Variants in SLC4A2 observed in about 807,000 individuals in gnomAD.
SLC4A2 encodes anion exchange protein 2.
SLC4A2 carries 36 observed loss-of-function variants against 115.0 expected under a neutral mutation model. That is an observed-to-expected ratio of 0.31 (90% CI 0.24 to 0.41). The LOEUF (loss-of-function observed/expected upper bound fraction) is 0.41. Ranked by LOEUF, SLC4A2 falls within the 10% of genes least tolerant of loss-of-function variation. The probability of loss-of-function intolerance (pLI) is 1.00; values close to 1 mark genes in which losing one functional copy is unlikely to be tolerated. For missense variants in SLC4A2, 1,252 were observed against 1,705.6 expected (o/e 0.73, Z 4.68); for synonymous variants, 708 against 708.3 (o/e 1.00, Z 0.01).
chr7:151,074,336 G>A (rs367608919), intron 17 of SLC4A2, 43 bp downstream of exon 17: 2 of 1,610,454 alleles, frequency 1.2e-6, no homozygotes, highest in East Asian at 2.2e-5. Flanking sequence ...GGGCAGGAAG[G>A]GGGGTGGCAG....
chr7:151,070,681 C>A (rs373342178), intron 11 of SLC4A2, 46 bp from the exon 12 acceptor site: 2 of 1,605,398 alleles, frequency 1.2e-6, no homozygotes, highest in African/African-American at 1.3e-5. Context: ...GACTGGAAGG[C>A]GGTCCTGCTG....
chr7:151,075,936 C>G, intron 21 of SLC4A2, 77 bp from the exon 22 acceptor site: 1 of 1,489,206 alleles, frequency 6.7e-7, no homozygotes. Context: ...CTTCCATCCC[C>G]GCCTCCGAAG....
chr7:151,062,558 C>T (rs1797086891), intron 2 of SLC4A2: 3 of 1,430,634 alleles, frequency 2.1e-6, no homozygotes, highest in Non-Finnish European at 2.7e-6. Context: ...CTATTGGTCA[C>T]ACTGGCCCAG....
At chr7:151,073,160 T>G (rs947045986) in intron 16 of SLC4A2, among the ~76,000 whole-genome samples, 9 of 152,152 alleles carry the variant, frequency 5.9e-5, no homozygotes, top group African/African-American at 1.9e-4. Context: ...TTGCCCAGGC[T>G]TGTCTGGAAC....
Position 151,075,701 on chromosome 7 carries a change from A to G in SLC4A2, c.3397A>G (p.Ile1133Val). 1 of 1,612,148 alleles carries G rather than the reference A, an allele frequency of 6.2e-7. No homozygotes were observed. Among genetic ancestry groups the G allele is most frequent in the Non-Finnish European group, 8.5e-7 (1 of 1,178,706 alleles). ...LYMGVTSLNG[I>V]QFYERLHLLL... ...CATGGGAGTCACCTCCCTTAACGGG[A>G]TCCAGTTCTATGAGCGGCTGCATCT... The change falls in exon 21 of 23, where the codon ATC becomes GTC. Residue 1133 changes from isoleucine to valine, a missense_variant. Physicochemically the swap from Ile to Val is conservative, Grantham distance 29. Transcript: ENST00000413384.
At chr7:151,064,180 C>T (rs780141899) in intron 2 of SLC4A2, 22 bp from the exon 3 acceptor site, 2 of 1,608,864 alleles carry the variant, frequency 1.2e-6, no homozygotes, top group Admixed American at 1.7e-5. Flanking sequence ...TGTGTGTTTT[C>T]TCTCTGCCTT....
At chr7:151,062,692 C>A in intron 2 of SLC4A2, 1 of 1,491,602 alleles carries the variant, frequency 6.7e-7, no homozygotes, top group Non-Finnish European at 8.9e-7. Flanking sequence ...CCTCTCTCCC[C>A]ATGGCGGCAA....
Position 151,070,516 on chromosome 7 carries a change from G to A in SLC4A2, c.1509G>A (p.Glu503=). Residue 503 remains glutamate (E), a synonymous_variant, in exon 11 of 23, where the codon GAG becomes GAA. Transcript: ENST00000413384. ...AGITRSKSKH[E]LKLLEKIPEN... Reference sequence around the variant, plus strand: ...TCACCCGCTCCAAGTCCAAGCACGAGCTGAAACTGCTGGAGAAGATTCCTG... The same window carrying A: ...TCACCCGCTCCAAGTCCAAGCACGAACTGAAACTGCTGGAGAAGATTCCTG... 1 of 1,613,834 alleles carries A rather than the reference G, an allele frequency of 6.2e-7. No homozygotes were observed.
At chr7:151,065,540 C>T (rs1400071416) in intron 5 of SLC4A2, among the ~76,000 whole-genome samples, 1 of 152,144 alleles carries the variant, frequency 6.6e-6, no homozygotes, top group African/African-American at 2.4e-5. Flanking sequence ...GGGAAGGCTT[C>T]CTGGAGAAAA....
rs766948470 is a variant in SLC4A2 at position 151,074,715 on chromosome 7, A to G, written c.2921A>G (p.Glu974Gly). 6.2e-7 allele frequency: 1 copy of G among 1,607,762 alleles called. No homozygotes were observed. Reference sequence around the variant, plus strand: ...AGTGGATTCTCGGTGACTGCCCCAGAAAAGAGGGGCTGGGTCATCAACCCC... The same window carrying G: ...AGTGGATTCTCGGTGACTGCCCCAGGAAAGAGGGGCTGGGTCATCAACCCC... ...VPSGFSVTAPEKRGWVINPLG... is the reference protein window; with the variant it reads ...VPSGFSVTAPGKRGWVINPLG... Residue 974 changes from glutamate (E) to glycine (G), a missense_variant, in exon 19 of 23, where the codon GAA (glutamate) becomes GGA (glycine). By Grantham distance (98) the Glu-to-Gly change is moderately conservative (BLOSUM62 -2). This residue lies in a region of SLC4A2 where 253 missense variants were observed against 407.4 expected (regional missense o/e 0.62). Coordinates refer to ENST00000413384, the MANE Select transcript of SLC4A2 (RefSeq NM_003040.4).
chr7:151,066,921 G>A lies in SLC4A2; in HGVS notation c.894G>A (p.Gln298=). The A allele has an allele frequency of 6.2e-7, 1 of 1,613,698 alleles. No individual in the cohort carries two copies. The highest frequency in any genetic ancestry group is 8.5e-7 in the Non-Finnish European group (1 of 1,179,852). The part of the protein sequence containing the change: ...LVRKNAKGST[Q]SGREGREPGP... ...GGAAGAATGCCAAAGGTTCCACACA[G>A]AGTGGCCGAGAAGGGCGGGAGCCTG... Residue 298 remains glutamine (Q), a synonymous_variant, in exon 7 of 23, where the codon CAG becomes CAA. Coordinates refer to ENST00000413384, the MANE Select transcript of SLC4A2 (RefSeq NM_003040.4).
At chr7:151,062,836 T>C (rs1011855411) in intron 2 of SLC4A2, 6 of 1,375,948 alleles carry the variant, frequency 4.4e-6, no homozygotes, top group African/African-American at 3.0e-5. Flanking sequence ...CCTGGCCCGC[T>C]CACCTTCTCT....
At chr7:151,062,203 G>T (rs1046862519) in intron 2 of SLC4A2, among the ~76,000 whole-genome samples, 165 bp downstream of exon 2, 1 of 152,160 alleles carries the variant, frequency 6.6e-6, no homozygotes, top group Non-Finnish European at 1.5e-5. Flanking sequence ...CGTAGGGGGG[G>T]ATGGGTAGTG....
chr7:151,071,304 C>T lies in SLC4A2; in HGVS notation c.1975+7C>T. 1 of 1,547,806 alleles carries T rather than the reference C, an allele frequency of 6.5e-7. No homozygotes were observed. The highest frequency in any genetic ancestry group is 8.7e-7 in the Non-Finnish European group (1 of 1,148,394). On this transcript the variant is annotated splice_region_variant and intron_variant, in intron 13 of 22. Transcript: ENST00000413384. The surrounding 1 kb of genome is among the most constrained non-coding windows in gnomAD (Gnocchi z 5.5). Reference sequence around the variant, plus strand: ...AAATCTGCCCAAGATAAGGGTACGGCCAGGGCGGGCTGGGGCCAGGGCTGC... The same window carrying T: ...AAATCTGCCCAAGATAAGGGTACGGTCAGGGCGGGCTGGGGCCAGGGCTGC...
chr7:151,060,788 T>C lies in SLC4A2; in HGVS notation c.-64+1026T>C, dbSNP rs957647099. On this transcript the variant is annotated intron_variant, in intron 1 of 22. Coordinates refer to ENST00000413384, the MANE Select transcript of SLC4A2 (RefSeq NM_003040.4). This position sits in a 1 kb window ranked among gnomAD's most constrained non-coding sequence, Gnocchi z 5.9. ...AAGAGCGTGGTTAGCCAAGTTGGAG[T>C]GCTTGCCAAGAATGTGTTGCCAGGC... is the stretch of plus-strand genomic sequence containing the variant. Among the ~76,000 whole-genome samples the C allele has an allele frequency of 3.3e-5, 5 of 152,056 alleles. No individual in the cohort carries two copies. Among genetic ancestry groups the C allele is most frequent in the South Asian group, 4.1e-4 (2 of 4,832 alleles).
chr7:151,063,119 C>A, intron 2 of SLC4A2: 8 of 1,521,908 alleles, frequency 5.3e-6, no homozygotes, highest in Non-Finnish European at 7.0e-6. Flanking sequence ...CTGGGCTGAG[C>A]TCTTACAAGC....
intron 18 of SLC4A2, 25 bp downstream of exon 18, chr7:151,074,513 A>G: frequency 6.2e-7 from 1 of 1,608,462 alleles, no homozygotes; most frequent in Non-Finnish European, 8.5e-7. Context: ...ACAGCAGGCA[A>G]GTGCTGCTGC....
intron 2 of SLC4A2, chr7:151,063,125 C>T (rs1191715826): frequency 5.3e-6 from 8 of 1,522,772 alleles, no homozygotes; most frequent in East Asian, 2.6e-5. Context: ...TGAGCTCTTA[C>T]AAGCGCCGCA....
Position 151,068,011 on chromosome 7 carries a change from C to T in SLC4A2, c.1104C>T (p.Leu368=), listed in dbSNP as rs756569615. ...ERWGKPHVAS[L]SFRSLLELRR... ...GGGGGAAGCCCCACGTGGCCTCCCT[C>T]TCCTTCCGCAGTCTCCTGGAGCTCC... is the stretch of plus-strand genomic sequence containing the variant. Residue 368 remains leucine, a synonymous_variant, in exon 8 of 23, where the codon CTC becomes CTT. Transcript: ENST00000413384. 1.6e-5 allele frequency: 26 copies of T among 1,589,358 alleles called. No homozygotes were observed. The highest frequency in any genetic ancestry group is 1.8e-5 in the Non-Finnish European group (21 of 1,171,122).
Sources: gnomAD v4.1 joint callset for allele counts (sites outside exome capture counted in the v4.1 genomes callset) on GRCh38, gnomAD v4.1.1 for gene constraint, gnomAD v4.1.1 regional missense constraint, Gnocchi (gnomAD v3.1) non-coding constraint, MANE v1.5 for transcripts, NCBI Gene and HGNC (gene_info 2026-07-23, HGNC 2026-07-21) for gene names.